Variants in CNTN6 observed in about 807,000 individuals in gnomAD.
CNTN6 encodes the protein contactin-6.
In CNTN6, 137 loss-of-function variants were observed where a neutral mutation model predicts 122.8. That is an observed-to-expected ratio of 1.12 (90% CI 0.97 to 1.29). CNTN6 has a LOEUF of 1.29. CNTN6 is among the 50% of genes most tolerant of loss of function. The pLI is 0.00. For missense variants in CNTN6, 1,634 were observed against 1,223.4 expected, an observed-to-expected ratio of 1.34 and a Z score of -5.01; for synonymous variants, 570 against 426.0, an observed-to-expected ratio of 1.34 and a Z score of -4.16.
rs545432728 is a variant in CNTN6, at chr3:1,334,147, C to T, written c.1364+4212C>T. On this transcript the variant is annotated intron_variant, in intron 11 of 22. Transcript: ENST00000446702. ...AAATAGGTAGATGGCATTACAGAGT[C>T]CGAAGACTGCCTGGTTTCCTGCTGG... Among the ~76,000 whole-genome samples the T allele has an allele frequency of 3.9e-5, 6 of 152,250 alleles. No homozygotes were observed. The South Asian group carries it at 6.2e-4, about 16-fold the overall frequency.
intron 4 of CNTN6, among the ~76,000 whole-genome samples, chr3:1,233,504 G>A (rs1473767350): frequency 6.6e-6 from 1 of 152,042 alleles, no homozygotes; most frequent in African/African-American, 2.4e-5. Flanking sequence ...GGGAGGCCGA[G>A]GCGGGCGGAT....
chr3:1,170,891 C>A (rs1368313371), intron 2 of CNTN6, among the ~76,000 whole-genome samples: 9 of 152,114 alleles, frequency 5.9e-5, no homozygotes, highest in Non-Finnish European at 1.2e-4. Flanking sequence ...TTATATTAGC[C>A]ACAATACCCA....
At chr3:1,242,770 A>G (rs1241741736) in intron 4 of CNTN6, among the ~76,000 whole-genome samples, 1 of 152,076 alleles carries the variant, frequency 6.6e-6, no homozygotes, top group African/African-American at 2.4e-5. Flanking sequence ...TGGTTAAAAT[A>G]TCTCGGCCTA....
chr3:1,338,059 GT>G (rs1482873937), intron 11 of CNTN6, among the ~76,000 whole-genome samples: 2 of 152,050 alleles, frequency 1.3e-5, no homozygotes, highest in African/African-American at 4.8e-5. Context: ...AATGTACGCT[GT>G]TTTACCCTGC....
chr3:1,107,539 G>A (rs979269437), intron 1 of CNTN6, among the ~76,000 whole-genome samples: 2 of 152,048 alleles, frequency 1.3e-5, no homozygotes, highest in African/African-American at 2.4e-5. Context: ...CTCATTAAAT[G>A]TGTCATTAAT....
chr3:1,348,157 C>CAAAAAAAAAAAAAA (rs532282828), intron 11 of CNTN6, among the ~76,000 whole-genome samples: 1,731 of 64,100 alleles, frequency 0.027, 306 homozygotes, highest in African/African-American at 0.11. Flanking sequence ...ATGCTATAGA[C>CAAAAAAAAAAAAAA]AAAAAAAAAA....
intron 1 of CNTN6, among the ~76,000 whole-genome samples, chr3:1,113,063 G>A (rs928431543): frequency 1.3e-5 from 2 of 152,110 alleles, no homozygotes; most frequent in African/African-American, 4.8e-5. Context: ...AGAGATGAAA[G>A]TCAGAGTGAC....
intron 12 of CNTN6, among the ~76,000 whole-genome samples, chr3:1,358,073 A>G (rs1016788017): frequency 1.3e-5 from 2 of 151,796 alleles, no homozygotes; most frequent in African/African-American, 4.8e-5. Flanking sequence ...TTCTCACCAT[A>G]GATTTCATTC....
chr3:1,323,082 A>C (rs1701085105), intron 8 of CNTN6, among the ~76,000 whole-genome samples: 1 of 151,758 alleles, frequency 6.6e-6, no homozygotes, highest in Non-Finnish European at 1.5e-5. Context: ...GGTATCTGTA[A>C]ACTGGAAATC....
At chr3:1,274,220 T>C (rs1691903352) in intron 4 of CNTN6, among the ~76,000 whole-genome samples, 1 of 152,212 alleles carries the variant, frequency 6.6e-6, no homozygotes, top group Non-Finnish European at 1.5e-5. Context: ...GAGTCATATT[T>C]AAACTGATAC....
chr3:1,222,271 G>A (rs897110351), intron 3 of CNTN6, among the ~76,000 whole-genome samples: 1 of 152,062 alleles, frequency 6.6e-6, no homozygotes, highest in Non-Finnish European at 1.5e-5. Flanking sequence ...TAAATGATGA[G>A]CTGTCCTATT....
At chr3:1,132,028 C>CA (rs1450414490) in intron 1 of CNTN6, among the ~76,000 whole-genome samples, 2 of 151,952 alleles carry the variant, frequency 1.3e-5, no homozygotes, top group African/African-American at 4.8e-5. Context: ...TGAAGGAAAG[C>CA]AATTTGGAAA....
intron 2 of CNTN6, among the ~76,000 whole-genome samples, chr3:1,190,782 G>A (rs947532380): frequency 4.6e-5 from 7 of 152,024 alleles, no homozygotes; most frequent in South Asian, 2.1e-4. Flanking sequence ...TCTTTTTGAC[G>A]CGTGACTCAC....
intron 3 of CNTN6, among the ~76,000 whole-genome samples, chr3:1,224,879 G>C (rs1471619040): frequency 1.3e-5 from 2 of 152,142 alleles, no homozygotes; most frequent in African/African-American, 4.8e-5. Flanking sequence ...CCGAGTAGCT[G>C]GGATTACAGG....
intron 7 of CNTN6, among the ~76,000 whole-genome samples, chr3:1,306,003 A>G (rs918521249): frequency 9.2e-5 from 14 of 152,226 alleles, no homozygotes; most frequent in African/African-American, 2.4e-4. Flanking sequence ...AGATTTTTCA[A>G]GTCACTTAAG....
At chr3:1,298,033 A>T (rs563370196) in intron 7 of CNTN6, 42 bp downstream of exon 7, 2 of 1,420,566 alleles carry the variant, frequency 1.4e-6, no homozygotes, top group African/African-American at 1.4e-5. Context: ...GGTTGCATTA[A>T]TTTTTTTTTA....
At chr3:1,101,395 A>G (rs962953146) in intron 1 of CNTN6, among the ~76,000 whole-genome samples, 1 of 152,174 alleles carries the variant, frequency 6.6e-6, no homozygotes, top group Non-Finnish European at 1.5e-5. Flanking sequence ...AAAGAGTTTT[A>G]TACTTACATA....
chr3:1,346,097 C>T (rs1704647934), intron 11 of CNTN6, among the ~76,000 whole-genome samples: 1 of 151,704 alleles, frequency 6.6e-6, no homozygotes, highest in South Asian at 2.1e-4. Flanking sequence ...TCTTATTTTC[C>T]ATTCACACCT....
intron 5 of CNTN6, among the ~76,000 whole-genome samples, chr3:1,283,231 C>T (rs527811451): frequency 3.3e-5 from 5 of 152,086 alleles, no homozygotes; most frequent in Admixed American, 2.6e-4. Context: ...CTGGGATCAC[C>T]GGTGTGAGCC....
Sources: allele counts gnomAD v4.1 joint callset (sites outside exome capture counted in the v4.1 genomes callset), GRCh38; gene constraint gnomAD v4.1.1; transcripts MANE v1.5; gene names NCBI Gene and HGNC (gene_info 2026-07-23, HGNC 2026-07-21).